The following LINGO2 variants were observed in gnomAD, a reference collection of about 807,000 sequenced individuals.
LINGO2 encodes leucine rich repeat and Ig domain containing 2, also known as leucine-rich repeat and immunoglobulin-like domain-containing nogo receptor-interacting protein 2.
LINGO2 carries 14 observed loss-of-function variants against 30.6 expected under a neutral mutation model. The ratio of observed to expected loss-of-function variants is 0.46; its 90% confidence interval spans 0.30 to 0.72. The LOEUF (loss-of-function observed/expected upper bound fraction) is 0.72. Among genes scored for constraint, LINGO2 ranks in the 30% least tolerant of loss-of-function variants. LINGO2 has a pLI of 0.07. For missense variants in LINGO2, 729 were observed against 751.7 expected, an observed-to-expected ratio of 0.97 and a Z score of 0.35; for synonymous variants, 317 against 288.5, an observed-to-expected ratio of 1.10 and a Z score of -1.00.
intron 4 of LINGO2, among the ~76,000 whole-genome samples, chr9:28,022,315 A>G (rs1823168169): frequency 6.6e-6 from 1 of 152,072 alleles, no homozygotes. Flanking sequence ...ATCACTCAAT[A>G]CATCATTGCT....
chr9:28,015,998 CAAAAAA>C (rs35234256), intron 4 of LINGO2, among the ~76,000 whole-genome samples: 1 of 122,428 alleles, frequency 8.2e-6, no homozygotes, highest in African/African-American at 3.1e-5. Context: ...GTAAAAGGGA[CAAAAAA>C]AAAAAAAAAA....
chr9:28,451,932 T>C (rs1355633415), intron 2 of LINGO2, among the ~76,000 whole-genome samples: 3 of 151,702 alleles, frequency 2.0e-5, no homozygotes, highest in South Asian at 2.1e-4. Flanking sequence ...TTTTAGTGTA[T>C]ATTATTTTTA....
At chr9:28,542,256 T>C (rs1225941837) in intron 1 of LINGO2, among the ~76,000 whole-genome samples, 1 of 151,438 alleles carries the variant, frequency 6.6e-6, no homozygotes, top group Admixed American at 6.6e-5. Context: ...CTGTCCTCTA[T>C]AGGTAAGGTA....
chr9:28,253,228 A>G (rs755518579), intron 4 of LINGO2, among the ~76,000 whole-genome samples: 2 of 152,138 alleles, frequency 1.3e-5, no homozygotes, highest in Admixed American at 6.6e-5. Flanking sequence ...GTACAGTTTC[A>G]TTAAATCTTA....
intron 1 of LINGO2, among the ~76,000 whole-genome samples, chr9:28,562,457 C>CAAAAAAAAAA (rs56998877): frequency 4.6e-5 from 5 of 109,186 alleles, no homozygotes; most frequent in Non-Finnish European, 5.2e-5. Context: ...CATTTACTTT[C>CAAAAAAAAAA]AAAAAAAAAA....
chr9:28,280,044 T>C (rs1347104097), intron 4 of LINGO2, among the ~76,000 whole-genome samples: 1 of 152,178 alleles, frequency 6.6e-6, no homozygotes, highest in African/African-American at 2.4e-5. Context: ...TGTTATAAGA[T>C]GGCAGATATT....
intron 1 of LINGO2, among the ~76,000 whole-genome samples, chr9:28,573,805 G>A (rs982898274): frequency 3.3e-5 from 5 of 152,040 alleles, no homozygotes; most frequent in African/African-American, 1.2e-4. Context: ...CAAATTAAAT[G>A]TGAAAATAAA....
chr9:28,298,012 A>G (rs1823988971), intron 3 of LINGO2, among the ~76,000 whole-genome samples: 1 of 152,198 alleles, frequency 6.6e-6, no homozygotes, highest in Non-Finnish European at 1.5e-5. Flanking sequence ...AATTAAATGC[A>G]TGTATTCTCC....
chr9:28,832,600 C>G, the LINGO2 span, among the ~76,000 whole-genome samples: 145,864 of 152,172 alleles, frequency 0.96, 70,213 homozygotes, highest in East Asian at 1. Flanking sequence ...TCATGTCCTG[C>G]AAAATTCCTG....
intron 1 of LINGO2, among the ~76,000 whole-genome samples, chr9:28,631,799 C>T (rs7033541): frequency 0.38 from 57,687 of 151,818 alleles, 12,204 homozygotes; most frequent in African/African-American, 0.55. Context: ...TTCATGATCC[C>T]TCTTGAGGCA....
the LINGO2 span, among the ~76,000 whole-genome samples, chr9:28,816,731 C>T: frequency 2.0e-5 from 3 of 152,072 alleles, no homozygotes; most frequent in Non-Finnish European, 4.4e-5. Context: ...GGAACTCAGA[C>T]ACAATCAAAA....
At chr9:28,398,381 T>C (rs1156745322) in intron 2 of LINGO2, among the ~76,000 whole-genome samples, 1 of 152,224 alleles carries the variant, frequency 6.6e-6, no homozygotes, top group African/African-American at 2.4e-5. Flanking sequence ...TTTTATAATC[T>C]GGTTATGAGT....
chr9:28,918,338 C>A, the LINGO2 span, among the ~76,000 whole-genome samples: 3 of 152,114 alleles, frequency 2.0e-5, no homozygotes, highest in East Asian at 5.8e-4. Flanking sequence ...CATTGGGTCC[C>A]TTCCACAACA....
intron 5 of LINGO2, among the ~76,000 whole-genome samples, chr9:27,987,043 T>C (rs1821158106): frequency 6.6e-6 from 1 of 151,736 alleles, no homozygotes; most frequent in African/African-American, 2.4e-5. Flanking sequence ...CTTTTTTTTG[T>C]GTGTGTGTGA....
At chr9:29,175,118 G>C in the LINGO2 span, among the ~76,000 whole-genome samples, 5 of 152,094 alleles carry the variant, frequency 3.3e-5, no homozygotes, top group Non-Finnish European at 7.3e-5. Flanking sequence ...AACTAGCTGG[G>C]TGTGGTGGTG....
intron 1 of LINGO2, among the ~76,000 whole-genome samples, chr9:28,539,258 G>A (rs560859443): frequency 1.3e-5 from 2 of 152,148 alleles, no homozygotes; most frequent in African/African-American, 4.8e-5. Context: ...GTAAGTTACA[G>A]AATGGTAGAT....
intron 3 of LINGO2, among the ~76,000 whole-genome samples, chr9:28,328,288 G>C (rs188151733): frequency 1.3e-4 from 20 of 152,250 alleles, no homozygotes; most frequent in African/African-American, 4.6e-4. Flanking sequence ...TATCCAAAAA[G>C]TAAAAGGCTG....
chr9:28,437,029 T>C (rs1823976241), intron 2 of LINGO2, among the ~76,000 whole-genome samples: 1 of 152,108 alleles, frequency 6.6e-6, no homozygotes, highest in African/African-American at 2.4e-5. Context: ...TACTTATAGG[T>C]ATCAACTTGA....
chr9:29,145,417 A>C, the LINGO2 span, among the ~76,000 whole-genome samples: 1 of 147,798 alleles, frequency 6.8e-6, no homozygotes, highest in Admixed American at 6.9e-5. Flanking sequence ...AGAAAAAATT[A>C]GTGTTTTTTT....
Sources: allele counts gnomAD v4.1 joint callset (sites outside exome capture counted in the v4.1 genomes callset), GRCh38; gene constraint gnomAD v4.1.1; transcripts MANE v1.5; gene names NCBI Gene and HGNC (gene_info 2026-07-23, HGNC 2026-07-21).